Variants in GFRA2 observed in about 807,000 individuals in gnomAD.
The protein encoded by GFRA2 is GDNF family receptor alpha-2.
In GFRA2, 17 loss-of-function variants were observed where a neutral mutation model predicts 48.3. The observed-to-expected ratio is 0.35, with a 90% CI of 0.24 to 0.53. The LOEUF (loss-of-function observed/expected upper bound fraction) is 0.53. GFRA2 is among the 20% of genes least tolerant of loss of function. GFRA2 has a pLI of 0.93. For synonymous variants in GFRA2, 305 were observed against 257.2 expected (o/e 1.19, Z -1.78); for missense variants, 660 against 637.3 (o/e 1.04, Z -0.38).
chr8:21,775,023 G>T lies in GFRA2; in HGVS notation c.388C>A (p.Pro130Thr). 1 of 1,602,898 alleles carries T rather than the reference G, an allele frequency of 6.2e-7. No homozygotes were observed. The highest frequency in any genetic ancestry group is 1.1e-5 in the South Asian group (1 of 90,772). Reference protein sequence around the residue: ...EEFYEASPYEPVTSRLSDIFR... With the variant: ...EEFYEASPYETVTSRLSDIFR... ...ATGTCCGAGAGGCGGGAGGTCACCG[G>T]CTCATAGGGGGAGGCTTCGTAGAAC... The change falls in exon 3 of 9, where the codon CCG becomes ACG. Residue 130 changes from proline to threonine, a missense_variant. Transcript: ENST00000524240.
At chr8:21,741,593 G>A (rs551965863) in intron 4 of GFRA2, among the ~76,000 whole-genome samples, 1 of 152,128 alleles carries the variant, frequency 6.6e-6, no homozygotes, top group Non-Finnish European at 1.5e-5. Context: ...CTAGCATGGT[G>A]CCTGGCACAG....
intron 4 of GFRA2, among the ~76,000 whole-genome samples, chr8:21,711,580 TA>T (rs1803027349): frequency 6.6e-6 from 1 of 152,226 alleles, no homozygotes; most frequent in African/African-American, 2.4e-5. Flanking sequence ...GTTGCCATAT[TA>T]AACGAAGAAC....
chr8:21,797,640 A>G (rs1807701441), intron 2 of GFRA2: 1 of 152,034 alleles, frequency 6.6e-6, no homozygotes, highest in Admixed American at 6.6e-5. Context: ...CTCTCACTTT[A>G]CGGTGGTCTC....
At chr8:21,766,095 T>TA (rs1806137666) in intron 3 of GFRA2, among the ~76,000 whole-genome samples, 1 of 152,086 alleles carries the variant, frequency 6.6e-6, no homozygotes, top group Non-Finnish European at 1.5e-5. Flanking sequence ...TCATCACTCT[T>TA]AAAATAAAAG....
chr8:21,794,797 G>C (rs945234630), intron 2 of GFRA2, among the ~76,000 whole-genome samples: 2 of 152,150 alleles, frequency 1.3e-5, no homozygotes, highest in African/African-American at 4.8e-5. Flanking sequence ...CAGCCTGGAA[G>C]GAGCACACTA....
intron 4 of GFRA2, among the ~76,000 whole-genome samples, chr8:21,736,932 A>AGAGGGGAGGG (rs1375928496): frequency 3.5e-5 from 2 of 57,224 alleles, no homozygotes; most frequent in African/African-American, 1.4e-4. Context: ...GGAGGGGAGG[A>AGAGGGGAGGG]GAGGGGAGGG....
intron 4 of GFRA2, among the ~76,000 whole-genome samples, chr8:21,740,714 A>G (rs1242504635): frequency 2.0e-5 from 3 of 152,144 alleles, no homozygotes; most frequent in Non-Finnish European, 4.4e-5. Context: ...AGAATTTACA[A>G]CCTCAGTCAA....
At chr8:21,780,497 T>A (rs981480318) in intron 2 of GFRA2, among the ~76,000 whole-genome samples, 6 of 152,092 alleles carry the variant, frequency 3.9e-5, no homozygotes, top group Non-Finnish European at 8.8e-5. Flanking sequence ...GTTACCGCCC[T>A]CCTCTCACTG....
Position 21,778,779 on chromosome 8 carries a change from C to T in GFRA2, c.356-3724G>A, listed in dbSNP as rs201159263. On this transcript the variant is annotated intron_variant, in intron 2 of 8. Transcript: ENST00000524240. ...GCACGTGCCTGTAGTCCTAGCTTCTCGGGAGGCTGAGGCAGAAGGGTCACT... is the reference window on the plus strand; with the variant it reads ...GCACGTGCCTGTAGTCCTAGCTTCTTGGGAGGCTGAGGCAGAAGGGTCACT... Among the ~76,000 whole-genome samples the T allele has an allele frequency of 1.6e-3, 237 of 152,128 alleles. 6 individuals carry two copies. In the East Asian group the frequency reaches 0.042, roughly 27 times the overall value.
At chr8:21,755,243 G>T (rs773114372) in intron 3 of GFRA2, among the ~76,000 whole-genome samples, 1 of 152,074 alleles carries the variant, frequency 6.6e-6, no homozygotes, top group Non-Finnish European at 1.5e-5. Context: ...GTCAATGTAG[G>T]TTCAAGAATT....
At chr8:21,758,756 G>A (rs1805718017) in intron 3 of GFRA2, among the ~76,000 whole-genome samples, 2 of 152,104 alleles carry the variant, frequency 1.3e-5, no homozygotes, top group Non-Finnish European at 1.5e-5. Flanking sequence ...GACTCTCAGG[G>A]ATGGAGGGCC....
chr8:21,792,734 G>A (rs1270682687), upstream of GFRA2, among the ~76,000 whole-genome samples: 2 of 152,150 alleles, frequency 1.3e-5, no homozygotes, highest in African/African-American at 4.8e-5. Context: ...GACACTCCAG[G>A]TGAGCAAACA....
At chr8:21,717,736 G>A (rs1803401700) in intron 4 of GFRA2, among the ~76,000 whole-genome samples, 1 of 152,160 alleles carries the variant, frequency 6.6e-6, no homozygotes, top group African/African-American at 2.4e-5. Flanking sequence ...ACTCTTTCCT[G>A]GGCTGCTCCA....
chr8:21,742,783 G>T (rs1804816016), intron 4 of GFRA2, among the ~76,000 whole-genome samples: 1 of 152,212 alleles, frequency 6.6e-6, no homozygotes, highest in Non-Finnish European at 1.5e-5. Context: ...CAACCACTCA[G>T]AGATGCCTGG....
chr8:21,796,052 C>T (rs887462231), intron 2 of GFRA2, among the ~76,000 whole-genome samples: 10 of 152,204 alleles, frequency 6.6e-5, no homozygotes, highest in African/African-American at 1.7e-4. Flanking sequence ...CACAGCTGCC[C>T]GATAGCAGCA....
intron 2 of GFRA2, among the ~76,000 whole-genome samples, chr8:21,779,025 A>T (rs1478832193): frequency 6.6e-6 from 1 of 150,572 alleles, no homozygotes; most frequent in African/African-American, 2.5e-5. Context: ...ACATAGTAAG[A>T]CCTCATCTCT....
chr8:21,804,437 C>CAA (rs35138948), intron 2 of GFRA2, among the ~76,000 whole-genome samples: 2 of 80,534 alleles, frequency 2.5e-5, no homozygotes, highest in South Asian at 5.0e-4. Context: ...AAAAAAAAAA[C>CAA]AAAAAAAAAA....
At chr8:21,791,679 T>C (rs1807577014), upstream of GFRA2, among the ~76,000 whole-genome samples, 3 of 152,140 alleles carry the variant, frequency 2.0e-5, no homozygotes, top group Non-Finnish European at 4.4e-5. Flanking sequence ...ACCAACGTTG[T>C]AGAAATTACA....
At chr8:21,714,493 C>T (rs1173061411) in intron 4 of GFRA2, among the ~76,000 whole-genome samples, 1 of 152,040 alleles carries the variant, frequency 6.6e-6, no homozygotes, top group East Asian at 1.9e-4. Flanking sequence ...TCAAGTGATC[C>T]ACCCACCTCA....
Sources: allele counts gnomAD v4.1 joint callset (sites outside exome capture counted in the v4.1 genomes callset), GRCh38; gene constraint gnomAD v4.1.1; transcripts MANE v1.5; gene names NCBI Gene and HGNC (gene_info 2026-07-23, HGNC 2026-07-21).